INTS7: variants seen among roughly 807,000 people sequenced by gnomAD.
The protein encoded by INTS7 is integrator complex subunit 7, also known as chromosome 1 open reading frame 73.
INTS7 carries 46 observed loss-of-function variants against 109.2 expected under a neutral mutation model. That is an observed-to-expected ratio of 0.42 (90% CI 0.33 to 0.54). The LOEUF (loss-of-function observed/expected upper bound fraction) is 0.54, where lower values mean the gene tolerates loss of function less well. INTS7 is among the 20% of genes least tolerant of loss of function. The probability of loss-of-function intolerance (pLI) is 0.07; values close to 1 mark genes in which losing one functional copy is unlikely to be tolerated. For missense variants in INTS7, 929 were observed against 1,132.4 expected (o/e 0.82, Z 2.58); for synonymous variants, 412 against 402.9 (o/e 1.02, Z -0.27).
chr1:212,020,150 C>G lies in INTS7; in HGVS notation c.343G>C (p.Asp115His). Reference sequence around the variant, plus strand: ...AGGGTGATGGCTCTTGCCACAGGATCATTACTATGAATCACAGAAAAAATT... The same window carrying G: ...AGGGTGATGGCTCTTGCCACAGGATGATTACTATGAATCACAGAAAAAATT... Reference protein sequence around the residue: ...KRIFSVIHSNDPVARAITLRM... With the variant: ...KRIFSVIHSNHPVARAITLRM... The change falls in exon 3 of 20, where the codon GAT (aspartate) becomes CAT (histidine). Residue 115 changes from aspartate to histidine, a missense_variant. Coordinates refer to ENST00000366994, the MANE Select transcript of INTS7 (RefSeq NM_015434.4). 6.2e-7 allele frequency: 1 copy of G among 1,607,050 alleles called. No homozygotes were observed. The highest frequency in any genetic ancestry group is 1.3e-5 in the African/African-American group (1 of 74,804).
At position 211,959,264 on chromosome 1, in the gene INTS7, T is replaced by C. The variant is rs1663504093; in HGVS notation, c.2184-6563A>G. Among the ~76,000 whole-genome samples the C allele has an allele frequency of 1.3e-5, 2 of 152,114 alleles. No individual in the cohort carries two copies. Among genetic ancestry groups the C allele is most frequent in the South Asian group, 2.1e-4 (1 of 4,830 alleles). On this transcript the variant is annotated intron_variant, in intron 16 of 19. Transcript: ENST00000366994. This position sits in a 1 kb window ranked among gnomAD's most constrained non-coding sequence, Gnocchi z 4.2. ...TGACTTGCTCCCATAGGAGACTTTA[T>C]CCCTAAGGGAACTGTCAGACCTCAA...
chr1:211,982,846 T>C, intron 8 of INTS7, 36 bp from the exon 9 acceptor site: 1 of 1,543,804 alleles, frequency 6.5e-7, no homozygotes, highest in Non-Finnish European at 8.9e-7. Context: ...AAATTGTAAT[T>C]CAAATAGTTC....
At chr1:212,033,909 C>T (rs1189314163) in intron 1 of INTS7, among the ~76,000 whole-genome samples, 1 of 151,860 alleles carries the variant, frequency 6.6e-6, no homozygotes, top group East Asian at 1.9e-4. Context: ...ATGGTGAAAC[C>T]CCGTCTATAC....
intron 7 of INTS7, among the ~76,000 whole-genome samples, chr1:211,996,174 C>A (rs1665376385): frequency 6.6e-6 from 1 of 152,198 alleles, no homozygotes; most frequent in Non-Finnish European, 1.5e-5. Flanking sequence ...GTAATCCCAG[C>A]ACTTTGGAAG....
At position 211,982,661 on chromosome 1, in the gene INTS7, C is replaced by A. The variant is rs767298161; in HGVS notation, c.1132+15G>T. ...ACCAAAGTTTATACGTAATATCAGTCCTGATCAAACTTACCCTTTTCTTGA... is the reference window on the plus strand; with the variant it reads ...ACCAAAGTTTATACGTAATATCAGTACTGATCAAACTTACCCTTTTCTTGA... On this transcript the variant is annotated intron_variant, in intron 9 of 19. Transcript: ENST00000366994. 1.3e-6 allele frequency: 2 copies of A among 1,591,128 alleles called. No individual in the cohort carries two copies. Among genetic ancestry groups the A allele is most frequent in the Non-Finnish European group, 1.7e-6 (2 of 1,169,156 alleles).
At position 211,978,363 on chromosome 1, in the gene INTS7, A is replaced by C; in HGVS notation, c.1379T>G (p.Leu460Arg). ...CHCLAAIAMQLPVLGDGMLGD... is the reference protein window; with the variant it reads ...CHCLAAIAMQRPVLGDGMLGD... ...AAGCATCCCATCACCCAGCACCGGC[A>C]GTTGCATGGCAATGGCTGCCAGGCA... The change falls in exon 11 of 20, where the codon CTG (leucine) becomes CGG (arginine). Residue 460 changes from leucine to arginine, a missense_variant. Physicochemically the swap from Leu to Arg is moderately radical, Grantham distance 102. Coordinates refer to ENST00000366994, the MANE Select transcript of INTS7 (RefSeq NM_015434.4). 1.2e-6 allele frequency: 2 copies of C among 1,614,168 alleles called. No individual in the cohort carries two copies. The highest frequency in any genetic ancestry group is 1.7e-6 in the Non-Finnish European group (2 of 1,180,002).
At chr1:212,020,657 G>T in intron 2 of INTS7, 1 of 742,826 alleles carries the variant, frequency 1.3e-6, no homozygotes, top group Non-Finnish European at 1.7e-6. Context: ...GAGAATGGCA[G>T]AAAGCAGCAG....
rs969098937 is a variant in INTS7, at chr1:211,941,894, C to T, written c.2819G>A (p.Arg940His). 4 of 1,613,978 alleles carry T rather than the reference C, an allele frequency of 2.5e-6. No individual in the cohort carries two copies. Among genetic ancestry groups the T allele is most frequent in the East Asian group, 2.2e-5 (1 of 44,894 alleles). ...CTGCTGGGCTTGCTGCTGTTGTAAG[C>T]GAATTTGCTGGGAATAAGGGTCTTC... The part of the protein sequence containing the change: ...SLEDPYSQQI[R>H]LQQQQAQQPL... Residue 940 changes from arginine to histidine, a missense_variant, in exon 20 of 20, where the codon CGC (arginine) becomes CAC (histidine). Physicochemically the swap from Arg to His is conservative, Grantham distance 29. Transcript: ENST00000366994.
intron 4 of INTS7, among the ~76,000 whole-genome samples, chr1:212,014,817 T>C (rs571864101): frequency 1.3e-5 from 2 of 152,208 alleles, no homozygotes; most frequent in African/African-American, 2.4e-5. Flanking sequence ...GGTGCCGGGA[T>C]TGCAGACGGA....
intron 1 of INTS7, among the ~76,000 whole-genome samples, chr1:212,031,698 T>C (rs991464144): frequency 2.6e-5 from 4 of 152,316 alleles, no homozygotes; most frequent in Admixed American, 2.6e-4. Context: ...GGTCAGTAAA[T>C]ATCTGTTGAG....
intron 16 of INTS7, among the ~76,000 whole-genome samples, chr1:211,960,361 C>A (rs1663562144): frequency 6.6e-6 from 1 of 152,026 alleles, no homozygotes. Context: ...CGAGAAAGAA[C>A]CAGTGCAAGA....
intron 19 of INTS7, 124 bp downstream of exon 19, chr1:211,944,660 T>A (rs1180958014): frequency 2.7e-6 from 2 of 754,528 alleles, no homozygotes; most frequent in Admixed American, 2.4e-5. Flanking sequence ...GCTTTTAATT[T>A]ATGTCCATCT....
At chr1:211,986,582 T>C (rs187537053) in intron 8 of INTS7, among the ~76,000 whole-genome samples, 37 of 152,324 alleles carry the variant, frequency 2.4e-4, no homozygotes, top group Middle Eastern at 3.4e-3. Flanking sequence ...CCATTGTTAC[T>C]GATTATTTCA....
chr1:211,974,713 G>A (rs938872784), intron 13 of INTS7, among the ~76,000 whole-genome samples: 2 of 152,158 alleles, frequency 1.3e-5, no homozygotes, highest in African/African-American at 2.4e-5. Flanking sequence ...AATGGTTAAT[G>A]TGGAGTAGGA....
At chr1:212,031,617 A>T (rs979999399) in intron 1 of INTS7, among the ~76,000 whole-genome samples, 2 of 152,210 alleles carry the variant, frequency 1.3e-5, no homozygotes, top group South Asian at 2.1e-4. Context: ...ATTTGTATGC[A>T]ATCTCCTTAA....
chr1:212,020,400 TAA>T (rs1349067195), intron 2 of INTS7, 132 bp from the exon 3 acceptor site: 16 of 631,206 alleles, frequency 2.5e-5, no homozygotes, highest in Non-Finnish European at 3.7e-5. Context: ...GTTTAACTAC[TAA>T]AAGAGTTAAA....
At chr1:211,983,943 T>C (rs535443487) in intron 8 of INTS7, among the ~76,000 whole-genome samples, 5 of 152,048 alleles carry the variant, frequency 3.3e-5, no homozygotes, top group Admixed American at 2.0e-4. Flanking sequence ...CAGCTCACTA[T>C]AGTCTCAAAC....
In INTS7 at chr1:211,946,029, G is replaced by A. The variant is rs1571836114; in HGVS notation, c.2415+578C>T. Among the ~76,000 whole-genome samples, 1 of 152,306 alleles carries A rather than the reference G, an allele frequency of 6.6e-6. No individual in the cohort carries two copies. The highest frequency in any genetic ancestry group is 1.9e-4 in the East Asian group (1 of 5,186). On this transcript the variant is annotated intron_variant, in intron 18 of 19. Transcript: ENST00000366994. The surrounding 1 kb of genome is among the most constrained non-coding windows in gnomAD (Gnocchi z 4.3). ...TGTGATAAATCACTAATTTATTCCT[G>A]GAGGTGAGAGACAAACAACAGAGCT...
At chr1:212,010,387 T>A (rs1234542891) in intron 5 of INTS7, among the ~76,000 whole-genome samples, 2 of 152,176 alleles carry the variant, frequency 1.3e-5, no homozygotes, top group Non-Finnish European at 2.9e-5. Context: ...ACTTATGGTA[T>A]AAGAGACTGG....
Sources: gnomAD v4.1 joint callset for allele counts (sites outside exome capture counted in the v4.1 genomes callset) on GRCh38, gnomAD v4.1.1 for gene constraint, Gnocchi (gnomAD v3.1) non-coding constraint, MANE v1.5 for transcripts, NCBI Gene and HGNC (gene_info 2026-07-23, HGNC 2026-07-21) for gene names.